Variants in BLNK observed in about 807,000 individuals in gnomAD.
BLNK encodes the protein B cell linker.
In BLNK, 29 loss-of-function variants were observed where a neutral mutation model predicts 73.5. The observed-to-expected ratio is 0.39, with a 90% CI of 0.29 to 0.54. BLNK has a LOEUF of 0.54. BLNK is among the 20% of genes least tolerant of loss of function. BLNK has a pLI of 0.61. For missense variants in BLNK, 460 were observed against 562.8 expected (o/e 0.82, Z 1.85); for synonymous variants, 176 against 200.8 (o/e 0.88, Z 1.04).
intron 8 of BLNK, among the ~76,000 whole-genome samples, chr10:96,213,313 T>C (rs182941459): frequency 6.6e-6 from 1 of 152,296 alleles, no homozygotes; most frequent in Admixed American, 6.5e-5. Flanking sequence ...TCCTGAGCAA[T>C]GACATTGAAG....
chr10:96,222,225 A>G (rs587739687), intron 6 of BLNK, among the ~76,000 whole-genome samples: 1 of 152,358 alleles, frequency 6.6e-6, no homozygotes, highest in East Asian at 1.9e-4. Context: ...GAAGGGCCAA[A>G]GCAGGAATTT....
chr10:96,197,755 G>GA (rs2083507972), intron 15 of BLNK, among the ~76,000 whole-genome samples: 4 of 151,380 alleles, frequency 2.6e-5, no homozygotes, highest in African/African-American at 9.7e-5. Context: ...ACTTTTATAA[G>GA]AAAAAAAATC....
At chr10:96,221,578 GGCT>G (rs2084198024) in intron 6 of BLNK, among the ~76,000 whole-genome samples, 1 of 152,112 alleles carries the variant, frequency 6.6e-6, no homozygotes, top group Non-Finnish European at 1.5e-5. Flanking sequence ...ACCTCCACAA[GGCT>G]GCTATTAGCA....
chr10:96,235,930 G>C (rs1275241566), intron 3 of BLNK, among the ~76,000 whole-genome samples: 3 of 151,868 alleles, frequency 2.0e-5, no homozygotes, highest in Admixed American at 2.0e-4. Flanking sequence ...CAGCCATAGT[G>C]GACACCGCAG....
At chr10:96,261,076 C>A (rs1308908035) in intron 1 of BLNK, among the ~76,000 whole-genome samples, 1 of 152,100 alleles carries the variant, frequency 6.6e-6, no homozygotes, top group African/African-American at 2.4e-5. Flanking sequence ...AACTCCTGAG[C>A]TCAAGGGCTT....
Position 96,234,384 on chromosome 10 carries a change from C to G in BLNK, c.164-3550G>C, listed in dbSNP as rs953280181. The stretch of plus-strand genomic sequence containing the variant: ...ACAGTCTTGCAGGCAATTGCCAAGA[C>G]TAAAAAGCATGGGAGTCCGAGGTAT... On this transcript the variant is annotated intron_variant, in intron 3 of 16. Coordinates refer to ENST00000224337, the MANE Select transcript of BLNK (RefSeq NM_013314.4). Among the ~76,000 whole-genome samples, 7 of 152,182 alleles carry G rather than the reference C, an allele frequency of 4.6e-5. No homozygotes were observed. The South Asian group carries it at 6.2e-4, about 14-fold the overall frequency.
chr10:96,195,049 G>A (rs2083430643), intron 16 of BLNK, among the ~76,000 whole-genome samples: 3 of 152,186 alleles, frequency 2.0e-5, no homozygotes, highest in Non-Finnish European at 4.4e-5. Flanking sequence ...GATTACAGGC[G>A]TGAGCCACCG....
chr10:96,263,292 G>A (rs1843844237), intron 1 of BLNK, among the ~76,000 whole-genome samples: 1 of 152,208 alleles, frequency 6.6e-6, no homozygotes, highest in South Asian at 2.1e-4. Flanking sequence ...GACCTGTGCT[G>A]CGTGTTCCCT....
At chr10:96,214,444 G>A (rs1233967521) in intron 8 of BLNK, among the ~76,000 whole-genome samples, 2 of 152,196 alleles carry the variant, frequency 1.3e-5, no homozygotes, top group African/African-American at 4.8e-5. Context: ...TCGCTGAGGA[G>A]AGAGCCAAGA....
intron 4 of BLNK, 52 bp from the exon 5 acceptor site, chr10:96,227,618 G>GGGGA (rs1842324486): frequency 6.2e-7 from 1 of 1,611,572 alleles, no homozygotes; most frequent in Non-Finnish European, 8.5e-7. Flanking sequence ...TGTGCTGCCT[G>GGGGA]GCCGTCAGGA....
intron 10 of BLNK, among the ~76,000 whole-genome samples, chr10:96,207,639 C>G (rs2083852268): frequency 6.6e-6 from 1 of 152,202 alleles, no homozygotes; most frequent in Admixed American, 6.5e-5. Context: ...GCTGCGCACA[C>G]TCAGTGAAGC....
rs368541502 is a variant in BLNK at position 96,219,310 on chromosome 10, G to A, written c.526-2576C>T. 4.6e-5 allele frequency among the ~76,000 whole-genome samples: 7 copies of A among 152,346 alleles called. No homozygotes were observed. In the East Asian group the frequency reaches 7.7e-4, roughly 17 times the overall value. On this transcript the variant is annotated intron_variant, in intron 6 of 16. Coordinates refer to ENST00000224337, the MANE Select transcript of BLNK (RefSeq NM_013314.4). ...TGTTGAGTGGCTGCGGATCCCTGCA[G>A]GACCTTTTTGGTTCTATGGGTTCAC...
At chr10:96,197,612 TCAAA>T (rs1338062954) in intron 15 of BLNK, among the ~76,000 whole-genome samples, 1 of 152,130 alleles carries the variant, frequency 6.6e-6, no homozygotes, top group African/African-American at 2.4e-5. Flanking sequence ...AAAAAATGTA[TCAAA>T]CAAATTCCAT....
intron 13 of BLNK, among the ~76,000 whole-genome samples, chr10:96,201,714 G>C (rs1285309640): frequency 8.6e-6 from 1 of 116,514 alleles, no homozygotes. Context: ...GTGGAAACAT[G>C]TGAAATACGA....
Position 96,204,857 on chromosome 10 carries a change from C to G in BLNK, c.818-241G>C, listed in dbSNP as rs587600973. 3 of 472,398 alleles carry G rather than the reference C, an allele frequency of 6.4e-6. No individual in the cohort carries two copies. In the East Asian group the frequency reaches 1.3e-4, roughly 20 times the overall value. The allele number at this position is 472,398 out of a possible 1,614,324, so 29.3% of individuals were successfully genotyped here. ...ATCCTACCACCTCTGCATTCATCCA[C>G]TGGCAATGTACATAGAGACTGAACC... On this transcript the variant is annotated intron_variant, in intron 11 of 16. Coordinates refer to ENST00000224337, the MANE Select transcript of BLNK (RefSeq NM_013314.4).
chr10:96,242,104 ACATG>A (rs1408976075), intron 3 of BLNK, among the ~76,000 whole-genome samples: 16 of 152,140 alleles, frequency 1.1e-4, no homozygotes, highest in African/African-American at 3.6e-4. Context: ...CATAATTCCC[ACATG>A]CTGTGGGAGG....
intron 16 of BLNK, among the ~76,000 whole-genome samples, chr10:96,194,497 A>G (rs1271386105): frequency 2.0e-5 from 3 of 152,212 alleles, no homozygotes; most frequent in Non-Finnish European, 2.9e-5. Context: ...AAAATAGAGA[A>G]GACAATATCA....
intron 15 of BLNK, among the ~76,000 whole-genome samples, chr10:96,198,403 C>T (rs782098210): frequency 1.6e-4 from 25 of 152,234 alleles, no homozygotes; most frequent in Non-Finnish European, 2.8e-4. Context: ...CTTAAATCTA[C>T]GTATTGAAAG....
intron 1 of BLNK, among the ~76,000 whole-genome samples, chr10:96,252,292 C>T (rs1031659759): frequency 6.6e-6 from 1 of 152,136 alleles, no homozygotes; most frequent in Non-Finnish European, 1.5e-5. Context: ...ACCTCGTGAT[C>T]TGCCTGCCCC....
Sources: gnomAD v4.1 joint callset for allele counts (sites outside exome capture counted in the v4.1 genomes callset) on GRCh38, gnomAD v4.1.1 for gene constraint, MANE v1.5 for transcripts, NCBI Gene and HGNC (gene_info 2026-07-23, HGNC 2026-07-21) for gene names.